The following MAPK13 variants were observed in gnomAD, a reference collection of about 807,000 sequenced individuals.
The protein encoded by MAPK13 is mitogen-activated protein kinase 13.
MAPK13 carries 39 observed loss-of-function variants against 53.5 expected under a neutral mutation model. The ratio of observed to expected loss-of-function variants is 0.73; its 90% confidence interval spans 0.56 to 0.95. The LOEUF is 0.95. Among genes scored for constraint, MAPK13 ranks in the 40% least tolerant of loss-of-function variants. The pLI is 0.00. For synonymous variants in MAPK13, 179 were observed against 190.9 expected (o/e 0.94, Z 0.51); for missense variants, 460 against 471.8 (o/e 0.98, Z 0.23).
Position 36,138,985 on chromosome 6 carries a change from A to G in MAPK13, c.948A>G (p.Glu316=), listed in dbSNP as rs1330130111. ...PFFEPFRDPE[E]ETEAQQPFDD... is the part of the protein sequence containing the mutation. ...TTGAACCCTTCCGGGACCCTGAGGA[A>G]GAGACGGAGGCCCAGCAGCCGTTTG... is the stretch of plus-strand genomic sequence containing the variant. The change falls in exon 11 of 12, where the codon GAA becomes GAG. Residue 316 remains glutamate, a synonymous_variant. Coordinates refer to ENST00000211287, the MANE Select transcript of MAPK13 (RefSeq NM_002754.5). 3 of 1,613,744 alleles carry G rather than the reference A, an allele frequency of 1.9e-6. No individual in the cohort carries two copies. The highest frequency in any genetic ancestry group is 2.5e-6 in the Non-Finnish European group (3 of 1,179,962).
At chr6:36,137,505 ACT>A (rs1173210850) in intron 8 of MAPK13, among the ~76,000 whole-genome samples, 1 of 151,174 alleles carries the variant, frequency 6.6e-6, no homozygotes. Flanking sequence ...ACAGAGCAAG[ACT>A]CTGTCTCAAA....
chr6:36,144,445 T>C lies in MAPK13; in HGVS notation c.*5072T>C, dbSNP rs1766593272. On this transcript the variant is annotated 3_prime_UTR_variant, in exon 12 of 12. Transcript: ENST00000211287. ...CTGTAATTTCTATTGGCACTGCTGA[T>C]ACAACTGCACTTTGCTACCTTTGTT... 1 of 152,228 alleles carries C rather than the reference T, an allele frequency of 6.6e-6. No homozygotes were observed. The highest frequency in any genetic ancestry group is 2.4e-5 in the African/African-American group (1 of 41,462). The allele number at this position is 152,228 out of a possible 1,614,324, so 9.4% of individuals were successfully genotyped here.
chr6:36,139,335 C>G lies in MAPK13; in HGVS notation c.1060C>G (p.Arg354Gly). Residue 354 changes from arginine (R) to glycine (G), a missense_variant, in exon 12 of 12, where the codon CGG becomes GGG. Transcript: ENST00000211287. Reference sequence around the variant, plus strand: ...GATTGTGAACTTCAGCCCCATTGCCCGGAAGGACTCACGGCGCCGGAGTGG... The same window carrying G: ...GATTGTGAACTTCAGCCCCATTGCCGGGAAGGACTCACGGCGCCGGAGTGG... ...KEIVNFSPIA[R>G]KDSRRRSGMK... The G allele has an allele frequency of 1.9e-6, 3 of 1,614,148 alleles. No homozygotes were observed. Among genetic ancestry groups the G allele is most frequent in the African/African-American group, 1.3e-5 (1 of 75,028 alleles).
chr6:36,137,753 G>A (rs1404206265), intron 8 of MAPK13, among the ~76,000 whole-genome samples: 1 of 151,730 alleles, frequency 6.6e-6, no homozygotes, highest in East Asian at 1.9e-4. Context: ...CTGAGATTAG[G>A]AGTTCGAGAC....
rs1766558392 is a variant in MAPK13, at chr6:36,142,902, T to G, written c.*3529T>G. ...TGGAGGGGGTGGGGAGTAGAGGGAG[T>G]GGGGGTTCCACGGGTTTGGGTCTTG... On this transcript the variant is annotated 3_prime_UTR_variant, in exon 12 of 12. Transcript: ENST00000211287. This position sits in a 1 kb window ranked among gnomAD's most constrained non-coding sequence, Gnocchi z 4.4. 1.4e-5 allele frequency: 2 copies of G among 145,672 alleles called. No individual in the cohort carries two copies. Among genetic ancestry groups the G allele is most frequent in the Non-Finnish European group, 3.0e-5 (2 of 66,186 alleles). The allele number at this position is 145,672 out of a possible 1,614,324, so 9.0% of individuals were successfully genotyped here.
chr6:36,134,849 A>G (rs1407203941), intron 3 of MAPK13, among the ~76,000 whole-genome samples: 1 of 152,172 alleles, frequency 6.6e-6, no homozygotes, highest in Non-Finnish European at 1.5e-5. Flanking sequence ...CCCCGTCTCT[A>G]CTAAGAATAC....
At chr6:36,134,472 A>G (rs1357439857) in intron 3 of MAPK13, among the ~76,000 whole-genome samples, 1 of 152,242 alleles carries the variant, frequency 6.6e-6, no homozygotes, top group Non-Finnish European at 1.5e-5. Flanking sequence ...AGTTCACTGC[A>G]GCCTCCAACT....
At chr6:36,133,730 C>G (rs893651285) in intron 3 of MAPK13, among the ~76,000 whole-genome samples, 2 of 152,118 alleles carry the variant, frequency 1.3e-5, no homozygotes, top group Non-Finnish European at 2.9e-5. Flanking sequence ...GAATAATCAC[C>G]GATGGGTTAT....
At chr6:36,136,573 T>TC in intron 6 of MAPK13, 42 bp downstream of exon 6, 1 of 1,593,068 alleles carries the variant, frequency 6.3e-7, no homozygotes, top group Non-Finnish European at 8.6e-7. Context: ...GGATAGGCCC[T>TC]CCCCCAGGGA....
At chr6:36,137,367 TAGCC>T (rs796292904) in intron 8 of MAPK13, among the ~76,000 whole-genome samples, 151 of 151,914 alleles carry the variant, frequency 9.9e-4, no homozygotes, top group African/African-American at 3.5e-3. Flanking sequence ...TACAAAAAAT[TAGCC>T]AGGCGTGGTG....
chr6:36,131,479 A>T, intron 2 of MAPK13, 79 bp downstream of exon 2: 1 of 1,426,614 alleles, frequency 7.0e-7, no homozygotes, highest in Non-Finnish European at 9.6e-7. Flanking sequence ...GCCTCCCGGT[A>T]TGGAGAGCTC....
At position 36,130,596 on chromosome 6, in the gene MAPK13, G is replaced by A. The variant is rs1476538162; in HGVS notation, c.14G>A (p.Arg5Gln). 14 of 1,572,154 alleles carry A rather than the reference G, an allele frequency of 8.9e-6. No homozygotes were observed. Among genetic ancestry groups the A allele is most frequent in the Non-Finnish European group, 1.2e-5 (14 of 1,159,898 alleles). Residue 5 changes from arginine to glutamine, a missense_variant, in exon 1 of 12, where the codon CGG becomes CAG. Arg to Gln is a conservative substitution (Grantham distance 43). Transcript: ENST00000211287. The surrounding 1 kb of genome is among the most constrained non-coding windows in gnomAD (Gnocchi z 4.5). ...CGGGTGCCCGGGATGAGCCTCATCC[G>A]GAAAAAGGGCTTCTACAAGCAGGAC... The part of the protein sequence containing the change: MSLI[R>Q]KKGFYKQDVN...
Position 36,141,816 on chromosome 6 carries a change from T to G in MAPK13, c.*2443T>G, listed in dbSNP as rs1402860059. The G allele has an allele frequency of 6.6e-6, 1 of 152,250 alleles. No homozygotes were observed. Among genetic ancestry groups the G allele is most frequent in the Non-Finnish European group, 1.5e-5 (1 of 68,100 alleles). 9.4% of individuals were successfully genotyped at this position (152,250 alleles called of 1,614,324 possible). ...GATTCAAGGGTTGCCCAGCCTTCCC[T>G]CTTCACGCCAGTCTGAGACCCTTAC... On this transcript the variant is annotated 3_prime_UTR_variant, in exon 12 of 12. Transcript: ENST00000211287.
At chr6:36,138,563 C>A in intron 9 of MAPK13, 119 bp downstream of exon 9, 1 of 1,260,962 alleles carries the variant, frequency 7.9e-7, no homozygotes, top group Non-Finnish European at 1.1e-6. Context: ...CATCCTCCTA[C>A]CCTGGCAGGC....
At chr6:36,137,517 AAAAAAG>A (rs1298117007) in intron 8 of MAPK13, among the ~76,000 whole-genome samples, 2 of 151,648 alleles carry the variant, frequency 1.3e-5, no homozygotes, top group African/African-American at 2.4e-5. Context: ...TCTGTCTCAA[AAAAAAG>A]AAAAAGAAAA....
At chr6:36,134,874 C>T (rs1414704165) in intron 3 of MAPK13, among the ~76,000 whole-genome samples, 2 of 152,130 alleles carry the variant, frequency 1.3e-5, no homozygotes, top group South Asian at 2.1e-4. Context: ...ATTAGCTGGG[C>T]GTTCTGGCGT....
At position 36,136,724 on chromosome 6, in the gene MAPK13, C is replaced by T. The variant is rs771324880; in HGVS notation, c.564C>T (p.Tyr188=). 2 of 1,614,010 alleles carry T rather than the reference C, an allele frequency of 1.2e-6. No homozygotes were observed. The highest frequency in any genetic ancestry group is 1.7e-5 in the Admixed American group (1 of 59,998). The change falls in exon 7 of 12, where the codon TAC becomes TAT. Residue 188 remains tyrosine, a synonymous_variant. Coordinates refer to ENST00000211287, the MANE Select transcript of MAPK13 (RefSeq NM_002754.5). ...EMTGYVVTRW[Y]RAPEVILSWM... is the part of the protein sequence containing the mutation. ...CTGGCTACGTGGTGACCCGCTGGTACCGAGCCCCCGAGGTGATCCTCAGCT... is the reference window on the plus strand; with the variant it reads ...CTGGCTACGTGGTGACCCGCTGGTATCGAGCCCCCGAGGTGATCCTCAGCT...
At chr6:36,138,209 G>T (rs569761224) in intron 8 of MAPK13, among the ~76,000 whole-genome samples, 156 bp from the exon 9 acceptor site, 1 of 152,004 alleles carries the variant, frequency 6.6e-6, no homozygotes, top group Non-Finnish European at 1.5e-5. Context: ...GAGCCCTGAA[G>T]AATAAGCCTC....
At chr6:36,136,371 G>A (rs1281413658) in intron 5 of MAPK13, 113 bp from the exon 6 acceptor site, 1 of 864,080 alleles carries the variant, frequency 1.2e-6, no homozygotes, top group African/African-American at 1.7e-5. Flanking sequence ...TGAAGAAACT[G>A]AGGCCCAGAA....
Sources: gnomAD v4.1 joint callset for allele counts (sites outside exome capture counted in the v4.1 genomes callset) on GRCh38, gnomAD v4.1.1 for gene constraint, Gnocchi (gnomAD v3.1) non-coding constraint, MANE v1.5 for transcripts, NCBI Gene and HGNC (gene_info 2026-07-23, HGNC 2026-07-21) for gene names.